Variants in ZNF664 observed in about 807,000 individuals in gnomAD.
ZNF664 encodes zinc finger Organ of Corti 1.
Under a neutral mutation model 18.2 loss-of-function variants are expected in ZNF664, and 10 were observed. The observed-to-expected ratio is 0.55, with a 90% CI of 0.34 to 0.93. The LOEUF (loss-of-function observed/expected upper bound fraction) is 0.93. Among genes scored for constraint, ZNF664 ranks in the 40% least tolerant of loss-of-function variants. The pLI is 0.02. For missense variants in ZNF664, 193 were observed against 319.0 expected, an observed-to-expected ratio of 0.61 and a Z score of 3.01; for synonymous variants, 119 against 104.2, an observed-to-expected ratio of 1.14 and a Z score of -0.86.
intron 2 of ZNF664, among the ~76,000 whole-genome samples, chr12:123,981,707 T>A (rs1956766602): frequency 6.6e-6 from 1 of 152,226 alleles, no homozygotes. Context: ...CAGTTTTGGA[T>A]GTACTTGAGT....
In ZNF664 at chr12:123,974,844, C is replaced by T. The variant is rs111617192; in HGVS notation, c.-757+824C>T. 8.1e-3 allele frequency among the ~76,000 whole-genome samples: 1,233 copies of T among 152,258 alleles called. 14 individuals carry two copies. Among genetic ancestry groups the T allele is most frequent in the African/African-American group, 0.027 (1,127 of 41,532 alleles). On this transcript the variant is annotated intron_variant, in intron 2 of 4. Transcript: ENST00000337815. ...CAGTATATCATGGTTTAGCCATTTC[C>T]CAAATTGATAGCAGTTTAAGTTTTA...
chr12:123,978,498 T>C (rs1318327710), intron 2 of ZNF664, among the ~76,000 whole-genome samples: 4 of 152,210 alleles, frequency 2.6e-5, no homozygotes, highest in African/African-American at 4.8e-5. Context: ...TAAAAACTTT[T>C]ACCTAAATGA....
chr12:124,009,712 C>G (rs1246173165), intron 3 of ZNF664, among the ~76,000 whole-genome samples: 2 of 151,984 alleles, frequency 1.3e-5, no homozygotes, highest in Non-Finnish European at 1.5e-5. Flanking sequence ...GACAGGGTCT[C>G]CCTATGTTGC....
chr12:124,000,383 C>T (rs778563799), intron 3 of ZNF664, among the ~76,000 whole-genome samples: 1 of 152,208 alleles, frequency 6.6e-6, no homozygotes, highest in Non-Finnish European at 1.5e-5. Flanking sequence ...TTCATAGAGG[C>T]CCGTCCTTCT....
At chr12:123,986,363 G>A (rs1026872376) in intron 2 of ZNF664, among the ~76,000 whole-genome samples, 2 of 152,148 alleles carry the variant, frequency 1.3e-5, no homozygotes, top group African/African-American at 4.8e-5. Flanking sequence ...GGACAGTGAG[G>A]TCTCTCACGG....
intron 3 of ZNF664, among the ~76,000 whole-genome samples, chr12:124,000,610 C>T (rs1957000301): frequency 6.6e-6 from 1 of 152,204 alleles, no homozygotes; most frequent in African/African-American, 2.4e-5. Flanking sequence ...CCCCAGTGCC[C>T]AGATAAAGAC....
In ZNF664 at chr12:124,012,932, A is replaced by T; in HGVS notation, c.*2A>T. On this transcript the variant is annotated 3_prime_UTR_variant, in exon 5 of 5. Transcript: ENST00000337815. ...CATCTCAAAATATCAGTTATATAAA[A>T]CGTTTTGCTAAGAGTTTAAAATCTT... is the stretch of plus-strand genomic sequence containing the variant. 6.2e-7 allele frequency: 1 copy of T among 1,611,374 alleles called. No individual in the cohort carries two copies. The highest frequency in any genetic ancestry group is 1.1e-5 in the South Asian group (1 of 90,562).
At chr12:123,977,505 C>CAT (rs1422310403) in intron 2 of ZNF664, among the ~76,000 whole-genome samples, 1 of 149,094 alleles carries the variant, frequency 6.7e-6, no homozygotes, top group East Asian at 2.0e-4. Context: ...CTGGCTCTGA[C>CAT]CAGGTTGCAG....
At chr12:123,982,641 G>A (rs1198280286) in intron 2 of ZNF664, among the ~76,000 whole-genome samples, 1 of 152,166 alleles carries the variant, frequency 6.6e-6, no homozygotes, top group African/African-American at 2.4e-5. Context: ...TCACCGTATC[G>A]GTTTTACTGT....
Position 123,973,730 on chromosome 12 carries a change from G to C in ZNF664, c.-891-156G>C, listed in dbSNP as rs917307279. 10 of 1,196,132 alleles carry C rather than the reference G, an allele frequency of 8.4e-6. No homozygotes were observed. The African/African-American group carries it at 1.6e-4, about 19-fold the overall frequency. The allele number at this position is 1,196,132 out of a possible 1,614,324, so 74.1% of individuals were successfully genotyped here. ...AGGCTCCATTGTTGTTGGAGCCGAGGGAAGGGGGAGCGCTGCCGCCCTCGT... is the reference window on the plus strand; with the variant it reads ...AGGCTCCATTGTTGTTGGAGCCGAGCGAAGGGGGAGCGCTGCCGCCCTCGT... On this transcript the variant is annotated intron_variant, in intron 1 of 4. Transcript: ENST00000337815.
chr12:123,980,702 A>C (rs997851130), intron 2 of ZNF664, among the ~76,000 whole-genome samples: 5 of 152,144 alleles, frequency 3.3e-5, no homozygotes, highest in Non-Finnish European at 5.9e-5. Context: ...AAAACGCCCC[A>C]AAAAAAGTCC....
rs1442678584 is a variant in ZNF664, at chr12:124,015,415, C to T, written c.*2485C>T. On this transcript the variant is annotated 3_prime_UTR_variant, in exon 5 of 5. Coordinates refer to ENST00000337815, the MANE Select transcript of ZNF664 (RefSeq NM_152437.3). ...TGTCCAAATCAATTTAATAAAATCG[C>T]TTTATAACAGGGTTCTGTGCTTGAC... is the stretch of plus-strand genomic sequence containing the variant. 1 of 163,162 alleles carries T rather than the reference C, an allele frequency of 6.1e-6. No homozygotes were observed. The highest frequency in any genetic ancestry group is 1.5e-5 in the Non-Finnish European group (1 of 68,102). 10.1% of individuals were successfully genotyped at this position (163,162 alleles called of 1,614,324 possible).
At chr12:123,992,706 C>T (rs1008108872) in intron 3 of ZNF664, among the ~76,000 whole-genome samples, 2 of 152,144 alleles carry the variant, frequency 1.3e-5, no homozygotes, top group African/African-American at 4.8e-5. Flanking sequence ...TTGAGGAGCC[C>T]ACTTTTAGAG....
intron 1 of ZNF664, 160 bp from the exon 2 acceptor site, chr12:123,973,726 C>G (rs1956633337): frequency 8.4e-7 from 1 of 1,185,114 alleles, no homozygotes. Flanking sequence ...TTGTTGGAGC[C>G]GAGGGAAGGG....
At chr12:123,994,600 C>T (rs539067308) in intron 3 of ZNF664, among the ~76,000 whole-genome samples, 17 of 152,152 alleles carry the variant, frequency 1.1e-4, no homozygotes, top group South Asian at 4.1e-4. Flanking sequence ...TGAAGAAATC[C>T]GGCCTTGCAT....
At chr12:124,005,218 G>A (rs984870168) in intron 3 of ZNF664, among the ~76,000 whole-genome samples, 10 of 152,172 alleles carry the variant, frequency 6.6e-5, no homozygotes, top group African/African-American at 2.2e-4. Context: ...GTCACCACAC[G>A]AGTTGAACCC....
At chr12:124,003,988 G>A (rs755966932) in intron 3 of ZNF664, among the ~76,000 whole-genome samples, 1 of 152,192 alleles carries the variant, frequency 6.6e-6, no homozygotes, top group Non-Finnish European at 1.5e-5. Flanking sequence ...CTGAGAGTAG[G>A]TGGGGCCAGA....
At chr12:123,974,144 C>T in intron 2 of ZNF664, 124 bp downstream of exon 2, 1 of 624,150 alleles carries the variant, frequency 1.6e-6, no homozygotes, top group Non-Finnish European at 2.3e-6. Context: ...TCCGTATACC[C>T]CCTCCCAGAC....
chr12:123,973,919 C>T lies in ZNF664; in HGVS notation c.-858C>T, dbSNP rs1335492546. The T allele has an allele frequency of 4.5e-5, 55 of 1,231,780 alleles. No individual in the cohort carries two copies. Among genetic ancestry groups the T allele is most frequent in the Non-Finnish European group, 5.6e-5 (55 of 988,088 alleles). 76.3% of individuals were successfully genotyped at this position (1,231,780 alleles called of 1,614,324 possible). On this transcript the variant is annotated 5_prime_UTR_variant, in exon 2 of 5. Coordinates refer to ENST00000337815, the MANE Select transcript of ZNF664 (RefSeq NM_152437.3). ...GCGTCCGGCAGAGGAGGCGAGCATC[C>T]CGCTCAGGTGATGAGGAACCCCTCG...
Sources: gnomAD v4.1 joint callset for allele counts (sites outside exome capture counted in the v4.1 genomes callset) on GRCh38, gnomAD v4.1.1 for gene constraint, MANE v1.5 for transcripts, NCBI Gene and HGNC (gene_info 2026-07-23, HGNC 2026-07-21) for gene names.